Variants in DACH1 observed in about 807,000 individuals in gnomAD.
DACH1 encodes the protein dachshund family transcription factor 1.
Under a neutral mutation model 54.2 loss-of-function variants are expected in DACH1, and 12 were observed. The ratio of observed to expected loss-of-function variants is 0.22; its 90% CI spans 0.14 to 0.36. DACH1 has a LOEUF of 0.36. Ranked by LOEUF, DACH1 falls within the 10% of genes least tolerant of loss-of-function variation. DACH1 has a pLI of 1.00. For missense variants in DACH1, 805 were observed against 929.8 expected, an observed-to-expected ratio of 0.87 and a Z score of 1.75; for synonymous variants, 386 against 366.2, an observed-to-expected ratio of 1.05 and a Z score of -0.62.
At chr13:71,652,252 T>C (rs1224626108) in intron 2 of DACH1, among the ~76,000 whole-genome samples, 2 of 152,194 alleles carry the variant, frequency 1.3e-5, no homozygotes, top group African/African-American at 4.8e-5. Context: ...TTCAGCACTC[T>C]AACAAATCGT....
intron 1 of DACH1, among the ~76,000 whole-genome samples, chr13:71,730,428 A>G (rs1166881947): frequency 6.6e-6 from 1 of 152,200 alleles, no homozygotes; most frequent in African/African-American, 2.4e-5. Context: ...TATGTTTTCA[A>G]TCACATGAAG....
intron 8 of DACH1, among the ~76,000 whole-genome samples, chr13:71,476,429 G>A (rs73518992): frequency 0.014 from 2,169 of 152,160 alleles, 59 homozygotes; most frequent in African/African-American, 0.05. Flanking sequence ...TATTGTTAAT[G>A]TATAGAACAG....
At chr13:71,785,993 G>A (rs1354176904) in intron 1 of DACH1, among the ~76,000 whole-genome samples, 3 of 152,134 alleles carry the variant, frequency 2.0e-5, no homozygotes, top group African/African-American at 7.2e-5. Flanking sequence ...GCAGGCATTG[G>A]TGGACAACAG....
chr13:71,529,183 G>GTTTTTTTTTTGTTTGTTTT (rs1299574030), intron 6 of DACH1, among the ~76,000 whole-genome samples: 1 of 80,978 alleles, frequency 1.2e-5, no homozygotes, highest in African/African-American at 4.4e-5. Context: ...TGTGATTTGG[G>GTTTTTTTTTTGTTTGTTTT]TTTTTTTTTT....
At chr13:71,783,210 G>A (rs1448313006) in intron 1 of DACH1, among the ~76,000 whole-genome samples, 1 of 152,138 alleles carries the variant, frequency 6.6e-6, no homozygotes, top group African/African-American at 2.4e-5. Flanking sequence ...CCTAAAGATA[G>A]CTGTATTAGA....
rs564912283 is a variant in DACH1 at position 71,605,152 on chromosome 13, G to T, written c.1126+25404C>A. Among the ~76,000 whole-genome samples, 36 of 151,758 alleles carry T rather than the reference G, an allele frequency of 2.4e-4. No homozygotes were observed. The South Asian group carries it at 3.3e-3, about 14-fold the overall frequency. On this transcript the variant is annotated intron_variant, in intron 3 of 10. Coordinates refer to ENST00000613252, the MANE Select transcript of DACH1 (RefSeq NM_080759.6). ...CTCTTGATTTACATAAAACATTTCA[G>T]GAAAAATCCATAAAGATGACTATGC...
At chr13:71,793,536 T>A (rs1248956799) in intron 1 of DACH1, among the ~76,000 whole-genome samples, 1 of 152,186 alleles carries the variant, frequency 6.6e-6, no homozygotes, top group Non-Finnish European at 1.5e-5. Context: ...TCTCTATTTA[T>A]TTTTTTCTTT....
intron 1 of DACH1, among the ~76,000 whole-genome samples, chr13:71,854,572 G>A (rs1465999217): frequency 2.0e-5 from 3 of 152,062 alleles, no homozygotes; most frequent in African/African-American, 7.2e-5. Flanking sequence ...ATTGGAAAGA[G>A]AGCTAGAAAG....
chr13:71,727,215 C>T (rs1189913697), intron 1 of DACH1, among the ~76,000 whole-genome samples: 1 of 152,070 alleles, frequency 6.6e-6, no homozygotes, highest in Non-Finnish European at 1.5e-5. Flanking sequence ...TATGGATTCT[C>T]ATTTGCATAT....
At chr13:71,653,364 A>G (rs1383176185) in intron 2 of DACH1, among the ~76,000 whole-genome samples, 1 of 152,166 alleles carries the variant, frequency 6.6e-6, no homozygotes, top group Non-Finnish European at 1.5e-5. Flanking sequence ...CAACAAAACA[A>G]TCTAAGCCTG....
At chr13:71,816,000 G>A (rs868216625) in intron 1 of DACH1, among the ~76,000 whole-genome samples, 12 of 151,904 alleles carry the variant, frequency 7.9e-5, no homozygotes, top group African/African-American at 2.9e-4. Flanking sequence ...CAGGAGAATG[G>A]CATGAACCCG....
At chr13:71,582,330 A>G (rs558507202) in intron 3 of DACH1, among the ~76,000 whole-genome samples, 83 of 152,284 alleles carry the variant, frequency 5.5e-4, no homozygotes, top group Non-Finnish European at 6.8e-4. Flanking sequence ...TATTCTTTTT[A>G]ATAAGATAAT....
chr13:71,734,838 C>T (rs1305938753), intron 1 of DACH1, among the ~76,000 whole-genome samples: 5 of 139,484 alleles, frequency 3.6e-5, no homozygotes, highest in African/African-American at 1.4e-4. Flanking sequence ...ATACGTATAC[C>T]CCATATATAT....
At chr13:71,730,159 C>A (rs1883671390) in intron 1 of DACH1, among the ~76,000 whole-genome samples, 1 of 151,730 alleles carries the variant, frequency 6.6e-6, no homozygotes, top group African/African-American at 2.4e-5. Context: ...ATGTAACTAA[C>A]CTGCACATTG....
At chr13:71,818,408 C>T (rs1007411156) in intron 1 of DACH1, among the ~76,000 whole-genome samples, 6 of 152,072 alleles carry the variant, frequency 3.9e-5, no homozygotes, top group African/African-American at 7.2e-5. Context: ...TAGGTTATTA[C>T]GGATGCAGCT....
At chr13:71,739,113 G>A (rs923132680) in intron 1 of DACH1, among the ~76,000 whole-genome samples, 8 of 151,966 alleles carry the variant, frequency 5.3e-5, no homozygotes, top group African/African-American at 1.4e-4. Context: ...ATTAGCTGCC[G>A]TAGTGGTGAA....
At chr13:71,770,627 T>C (rs963548530) in intron 1 of DACH1, among the ~76,000 whole-genome samples, 6 of 151,634 alleles carry the variant, frequency 4.0e-5, no homozygotes, top group Admixed American at 6.6e-5. Context: ...ATAAGAAAAT[T>C]ATGTGTACCA....
intron 1 of DACH1, among the ~76,000 whole-genome samples, chr13:71,791,475 G>T (rs950709165): frequency 6.6e-6 from 1 of 152,094 alleles, no homozygotes; most frequent in African/African-American, 2.4e-5. Flanking sequence ...CCACCTCCAG[G>T]GTTCAAGTGA....
rs981301810 is a variant in DACH1 at position 71,735,881 on chromosome 13, A to G, written c.849-53971T>C. Among the ~76,000 whole-genome samples the G allele has an allele frequency of 3.3e-5, 5 of 152,092 alleles. No homozygotes were observed. In the East Asian group the frequency reaches 9.6e-4, roughly 29 times the overall value. ...TAGAAATTTGTCTTAGATAATGACA[A>G]GGATTTGAACCAGATTGTGGCAGTC... On this transcript the variant is annotated intron_variant, in intron 1 of 10. Transcript: ENST00000613252.
Sources: gnomAD v4.1 joint callset for allele counts (sites outside exome capture counted in the v4.1 genomes callset) on GRCh38, gnomAD v4.1.1 for gene constraint, MANE v1.5 for transcripts, NCBI Gene and HGNC (gene_info 2026-07-23, HGNC 2026-07-21) for gene names.